SGCZ: variants seen among roughly 807,000 people sequenced by gnomAD.
The protein encoded by SGCZ is zeta-sarcoglycan.
Under a neutral mutation model 41.3 loss-of-function variants are expected in SGCZ, and 40 were observed. The observed-to-expected ratio is 0.97, with a 90% CI of 0.75 to 1.26. SGCZ has a LOEUF of 1.26. SGCZ is among the 50% of genes most tolerant of loss of function. The pLI is 0.00. For missense variants in SGCZ, 552 were observed against 369.8 expected, an observed-to-expected ratio of 1.49 and a Z score of -4.04; for synonymous variants, 206 against 137.5, an observed-to-expected ratio of 1.50 and a Z score of -3.49.
At position 14,087,701 on chromosome 8, in the gene SGCZ, A is replaced by C. The variant is rs1311700857; in HGVS notation, c.*2742T>G. 3.5e-5 allele frequency among the ~76,000 whole-genome samples: 5 copies of C among 142,784 alleles called. No homozygotes were observed. Among genetic ancestry groups the C allele is most frequent in the African/African-American group, 1.4e-4 (5 of 35,596 alleles). 93.7% of individuals were successfully genotyped at this position (142,784 alleles called of 152,430 possible). A position where few individuals can be genotyped will look rare whatever the true frequency, so the allele number is the denominator to read the frequency against. On this transcript the variant is annotated 3_prime_UTR_variant, in exon 8 of 8. Transcript: ENST00000382080. ...TGTTAGGGTACTGTGCAATTAAGGG[A>C]CCACTATATTTTTAAAAAAAAAAAA...
chr8:14,170,899 G>A (rs1408013132), intron 4 of SGCZ, among the ~76,000 whole-genome samples: 1 of 151,950 alleles, frequency 6.6e-6, no homozygotes, highest in African/African-American at 2.4e-5. Flanking sequence ...AGGAATGAAA[G>A]GAGATTGTGA....
intron 5 of SGCZ, among the ~76,000 whole-genome samples, chr8:14,163,822 A>C (rs959754965): frequency 1.3e-5 from 2 of 152,122 alleles, no homozygotes; most frequent in African/African-American, 4.8e-5. Flanking sequence ...TTCCAAACTC[A>C]AGTTTGGGAA....
At chr8:14,466,504 C>T (rs779872859) in intron 2 of SGCZ, among the ~76,000 whole-genome samples, 1 of 151,952 alleles carries the variant, frequency 6.6e-6, no homozygotes, top group Non-Finnish European at 1.5e-5. Context: ...TCTTTATACT[C>T]TTGAAAATTC....
At chr8:14,538,820 T>C (rs1803372841) in intron 2 of SGCZ, among the ~76,000 whole-genome samples, 1 of 151,798 alleles carries the variant, frequency 6.6e-6, no homozygotes. Context: ...ATGAAGAGTC[T>C]TACATATATT....
chr8:14,389,569 A>T (rs1459122950), intron 2 of SGCZ, among the ~76,000 whole-genome samples: 1 of 151,858 alleles, frequency 6.6e-6, no homozygotes. Context: ...CAAACCTGAA[A>T]CTCTAATCAG....
intron 4 of SGCZ, among the ~76,000 whole-genome samples, chr8:14,171,857 G>C (rs1342659310): frequency 6.6e-6 from 1 of 151,996 alleles, no homozygotes; most frequent in East Asian, 1.9e-4. Context: ...AATTCATTTA[G>C]TGGAAACATG....
intron 1 of SGCZ, among the ~76,000 whole-genome samples, chr8:14,726,321 T>G (rs1169252954): frequency 7.9e-6 from 1 of 126,062 alleles, no homozygotes; most frequent in African/African-American, 3.5e-5. Context: ...CATATATATA[T>G]ATCTATATAT....
Position 14,089,462 on chromosome 8 carries a change from A to C in SGCZ, c.*981T>G, listed in dbSNP as rs1222972746. ...TATTCTCAGCATTATGCATCATATTAGTATTATTTATTTAGAAGATGTTTG... is the reference window on the plus strand; with the variant it reads ...TATTCTCAGCATTATGCATCATATTCGTATTATTTATTTAGAAGATGTTTG... On this transcript the variant is annotated 3_prime_UTR_variant, in exon 8 of 8. Coordinates refer to ENST00000382080, the MANE Select transcript of SGCZ (RefSeq NM_139167.4). 6.6e-6 allele frequency among the ~76,000 whole-genome samples: 1 copy of C among 152,062 alleles called. No homozygotes were observed. The highest frequency in any genetic ancestry group is 1.5e-5 in the Non-Finnish European group (1 of 67,958).
At chr8:14,604,548 T>C (rs755948960) in intron 1 of SGCZ, among the ~76,000 whole-genome samples, 5 of 152,160 alleles carry the variant, frequency 3.3e-5, no homozygotes, top group Non-Finnish European at 7.4e-5. Context: ...CACTGACTTT[T>C]AGAAGGCTTG....
chr8:14,423,442 G>A (rs368887037), intron 2 of SGCZ, among the ~76,000 whole-genome samples: 43 of 152,068 alleles, frequency 2.8e-4, no homozygotes, highest in Admixed American at 1.7e-3. Flanking sequence ...TTAAGATGGA[G>A]TTTCGCTCTT....
chr8:14,816,273 C>T lies in SGCZ; in HGVS notation c.40-261347G>A, dbSNP rs79633741. Among the ~76,000 whole-genome samples, 157 of 152,298 alleles carry T rather than the reference C, an allele frequency of 1.0e-3. 2 individuals are homozygous for T. In the East Asian group the frequency reaches 0.019, roughly 18 times the overall value. On this transcript the variant is annotated intron_variant, in intron 1 of 7. Transcript: ENST00000382080. Reference sequence around the variant, plus strand: ...GCAGCACAGTTCTACAGCTCTTCAACGTATTTCTGCCTGTTCTATGCTCTG... The same window carrying T: ...GCAGCACAGTTCTACAGCTCTTCAATGTATTTCTGCCTGTTCTATGCTCTG...
chr8:14,998,885 T>G (rs1802312337), intron 1 of SGCZ, among the ~76,000 whole-genome samples: 1 of 152,246 alleles, frequency 6.6e-6, no homozygotes. Context: ...TATGGGTTAC[T>G]GAGCCAAAGA....
chr8:14,415,264 G>T (rs949166712), intron 2 of SGCZ, among the ~76,000 whole-genome samples: 2 of 151,744 alleles, frequency 1.3e-5, no homozygotes, highest in African/African-American at 4.8e-5. Flanking sequence ...ATTGCATAAT[G>T]GATTATCCAA....
chr8:15,031,902 C>CCTCTCTCTCTCTCTCTCTCTCTCTCT (rs751690018), intron 1 of SGCZ, among the ~76,000 whole-genome samples: 1 of 130,764 alleles, frequency 7.6e-6, no homozygotes, highest in Non-Finnish European at 1.6e-5. Context: ...CCTCTATATT[C>CCTCTCTCTCTCTCTCTCTCTCTCTCT]CTCTCTCTCT....
intron 1 of SGCZ, among the ~76,000 whole-genome samples, chr8:14,786,856 A>G (rs1160032312): frequency 6.6e-6 from 1 of 151,682 alleles, no homozygotes; most frequent in South Asian, 2.1e-4. Context: ...AAAAAACAAA[A>G]AACACATAGA....
chr8:15,088,482 A>C (rs924188359), intron 1 of SGCZ, among the ~76,000 whole-genome samples: 1 of 152,194 alleles, frequency 6.6e-6, no homozygotes, highest in East Asian at 1.9e-4. Flanking sequence ...AACTTGTTCA[A>C]AAAAGCACAA....
intron 1 of SGCZ, among the ~76,000 whole-genome samples, chr8:14,896,916 G>A (rs1042044574): frequency 6.6e-6 from 1 of 151,978 alleles, no homozygotes; most frequent in African/African-American, 2.4e-5. Flanking sequence ...TGAGTAGCTG[G>A]GATTACAGGT....
chr8:14,385,281 A>C (rs1474772188), intron 2 of SGCZ, among the ~76,000 whole-genome samples: 1 of 152,178 alleles, frequency 6.6e-6, no homozygotes, highest in Non-Finnish European at 1.5e-5. Context: ...TCCCAAGTAG[A>C]CCAAGGAGGC....
chr8:14,299,784 C>CA (rs1203586975), intron 3 of SGCZ, among the ~76,000 whole-genome samples: 1 of 151,778 alleles, frequency 6.6e-6, no homozygotes, highest in Non-Finnish European at 1.5e-5. Context: ...ACTCTATGAC[C>CA]AAGAAATTTA....
Sources: allele counts gnomAD v4.1 joint callset (sites outside exome capture counted in the v4.1 genomes callset), GRCh38; gene constraint gnomAD v4.1.1; transcripts MANE v1.5; gene names NCBI Gene and HGNC (gene_info 2026-07-23, HGNC 2026-07-21).